Variants in NFIA observed in about 807,000 individuals in gnomAD.
NFIA encodes the protein nuclear factor 1 A-type.
Under a neutral mutation model 62.8 loss-of-function variants are expected in NFIA, and 8 were observed. The observed-to-expected ratio is 0.13, with a 90% CI of 0.07 to 0.23. The LOEUF (loss-of-function observed/expected upper bound fraction) is 0.23, where lower values mean the gene tolerates loss of function less well. Ranked by LOEUF, NFIA falls within the 10% of genes least tolerant of loss-of-function variation. NFIA has a pLI of 1.00. For synonymous variants in NFIA, 235 were observed against 238.1 expected (o/e 0.99, Z 0.12); for missense variants, 410 against 642.1 (o/e 0.64, Z 3.91).
intron 10 of NFIA, among the ~76,000 whole-genome samples, chr1:61,448,897 G>A (rs895067423): frequency 6.6e-6 from 1 of 152,214 alleles, no homozygotes; most frequent in African/African-American, 2.4e-5. Context: ...GACTTTGGAT[G>A]AACAGTCAGA....
intron 2 of NFIA, among the ~76,000 whole-genome samples, chr1:61,224,296 CTT>C (rs1292073593): frequency 6.6e-6 from 1 of 152,024 alleles, no homozygotes; most frequent in Admixed American, 6.6e-5. Flanking sequence ...ATGCTTATCT[CTT>C]ATGCTCCATA....
chr1:61,179,990 G>T (rs1462515477), intron 2 of NFIA, among the ~76,000 whole-genome samples: 1 of 152,156 alleles, frequency 6.6e-6, no homozygotes, highest in Non-Finnish European at 1.5e-5. Context: ...GAGTCAATCA[G>T]GACTCTTTAT....
intron 2 of NFIA, among the ~76,000 whole-genome samples, chr1:61,098,201 TA>T: frequency 6.6e-6 from 1 of 152,198 alleles, no homozygotes; most frequent in East Asian, 1.9e-4. Flanking sequence ...ATGTAACTCA[TA>T]AATAATATTA....
chr1:61,283,089 C>T (rs187780004), intron 3 of NFIA, among the ~76,000 whole-genome samples: 1 of 152,242 alleles, frequency 6.6e-6, no homozygotes, highest in East Asian at 1.9e-4. Context: ...TTCATGTTCA[C>T]CATCTTCATT....
rs116860219 is a variant in NFIA, at chr1:61,251,804, C to T, written c.560-25716C>T. Among the ~76,000 whole-genome samples, 318 of 152,000 alleles carry T rather than the reference C, an allele frequency of 2.1e-3. 7 individuals carry two copies. The East Asian group carries it at 0.057, about 27-fold the overall frequency. On this transcript the variant is annotated intron_variant, in intron 2 of 10. Coordinates refer to ENST00000403491, the MANE Select transcript of NFIA (RefSeq NM_001134673.4). ...ATGTATTTAATGAAAACAGAAGTAACGATACAAAATAACAAAAATATAAAT... is the reference window on the plus strand; with the variant it reads ...ATGTATTTAATGAAAACAGAAGTAATGATACAAAATAACAAAAATATAAAT...
intron 9 of NFIA, among the ~76,000 whole-genome samples, chr1:61,408,988 C>G (rs1665977984): frequency 6.6e-6 from 1 of 152,174 alleles, no homozygotes; most frequent in Non-Finnish European, 1.5e-5. Context: ...GTCCACAGTT[C>G]TAGACTCCAC....
chr1:61,201,336 T>C (rs1278670635), intron 2 of NFIA, among the ~76,000 whole-genome samples: 1 of 152,146 alleles, frequency 6.6e-6, no homozygotes, highest in Non-Finnish European at 1.5e-5. Flanking sequence ...CTGTTTTCTG[T>C]TTTTTCATTG....
chr1:61,175,009 C>T (rs72664853), intron 2 of NFIA, among the ~76,000 whole-genome samples: 8,202 of 151,766 alleles, frequency 0.054, 337 homozygotes, highest in Non-Finnish European at 0.079. Flanking sequence ...TCCCCAATGC[C>T]AGTGTATAGG....
intron 2 of NFIA, among the ~76,000 whole-genome samples, chr1:61,092,479 A>G (rs1646337847): frequency 6.6e-6 from 1 of 152,134 alleles, no homozygotes; most frequent in Admixed American, 6.6e-5. Flanking sequence ...TTGCATCAGG[A>G]ATAGCAAAGA....
rs1665830643 is a variant in NFIA at position 61,406,543 on chromosome 1, G to GGCCCCC, written c.1255-19_1255-18insGCCCCC. The GGCCCCC allele has an allele frequency of 8.0e-6, 7 of 877,366 alleles. No homozygotes were observed. The highest frequency in any genetic ancestry group is 2.0e-5 in the South Asian group (1 of 49,228). The allele number at this position is 877,366 out of a possible 1,614,324, so 54.3% of individuals were successfully genotyped here. On this transcript the variant is annotated intron_variant, in intron 8 of 10. Transcript: ENST00000403491. The stretch of plus-strand genomic sequence containing the variant: ...TCTTTTTCTTGTACGTGTGTTTTCT[G>GGCCCCC]CCCCCCCCCCCCCCACAGCCCAATG...
intron 6 of NFIA, among the ~76,000 whole-genome samples, chr1:61,375,356 A>G (rs1479490545): frequency 6.6e-6 from 1 of 152,176 alleles, no homozygotes; most frequent in African/African-American, 2.4e-5. Context: ...TGTTCCCCAC[A>G]CTTAGATCTA....
intron 6 of NFIA, among the ~76,000 whole-genome samples, chr1:61,373,012 TA>T (rs932499474): frequency 1.3e-5 from 2 of 152,178 alleles, no homozygotes; most frequent in Non-Finnish European, 2.9e-5. Flanking sequence ...GCACTACCTT[TA>T]AAAAAATTCA....
At chr1:61,135,068 C>T (rs569437660) in intron 2 of NFIA, among the ~76,000 whole-genome samples, 6 of 152,284 alleles carry the variant, frequency 3.9e-5, no homozygotes, top group Admixed American at 2.6e-4. Flanking sequence ...TATCAGAATT[C>T]TTAAATCTAA....
intron 2 of NFIA, among the ~76,000 whole-genome samples, chr1:61,097,579 T>C (rs1053000289): frequency 2.0e-5 from 3 of 152,170 alleles, no homozygotes; most frequent in African/African-American, 7.2e-5. Context: ...TAATTTTTAG[T>C]AGGGAAAGGT....
chr1:61,239,357 G>T (rs1056973960), intron 2 of NFIA, among the ~76,000 whole-genome samples: 1 of 152,108 alleles, frequency 6.6e-6, no homozygotes, highest in African/African-American at 2.4e-5. Flanking sequence ...ATTATTATAA[G>T]TGATGTCTGT....
At chr1:61,197,494 C>A (rs1312953300) in intron 2 of NFIA, among the ~76,000 whole-genome samples, 3 of 151,530 alleles carry the variant, frequency 2.0e-5, no homozygotes, top group African/African-American at 7.2e-5. Context: ...ACCTCTGCCT[C>A]CCAAAGTGCT....
At position 61,189,818 on chromosome 1, in the gene NFIA, G is replaced by A. The variant is rs74090309; in HGVS notation, c.560-87702G>A. On this transcript the variant is annotated intron_variant, in intron 2 of 10. Coordinates refer to ENST00000403491, the MANE Select transcript of NFIA (RefSeq NM_001134673.4). The stretch of plus-strand genomic sequence containing the variant: ...CTGTCTTCTTACATCCGAGGAGACT[G>A]GCTAAGCAGGAGGGCTAGGCGTGTT... Among the ~76,000 whole-genome samples the A allele has an allele frequency of 3.9e-3, 591 of 152,242 alleles. 5 individuals carry two copies. The highest frequency in any genetic ancestry group is 0.014 in the African/African-American group (567 of 41,538).
intron 10 of NFIA, among the ~76,000 whole-genome samples, chr1:61,434,519 T>G (rs963901190): frequency 6.6e-6 from 1 of 152,234 alleles, no homozygotes; most frequent in Non-Finnish European, 1.5e-5. Flanking sequence ...CTTTCAAGTT[T>G]TAATTTGGCA....
chr1:61,101,167 A>G (rs1166530609), intron 2 of NFIA, among the ~76,000 whole-genome samples: 1 of 152,068 alleles, frequency 6.6e-6, no homozygotes, highest in African/African-American at 2.4e-5. Flanking sequence ...AGGCTGAGGC[A>G]GGCACATCAC....
Sources: allele counts gnomAD v4.1 joint callset (sites outside exome capture counted in the v4.1 genomes callset), GRCh38; gene constraint gnomAD v4.1.1; transcripts MANE v1.5; gene names NCBI Gene and HGNC (gene_info 2026-07-23, HGNC 2026-07-21).